The following HDAC7 variants were observed in gnomAD, a reference collection of about 807,000 sequenced individuals.
The protein encoded by HDAC7 is histone deacetylase 7, also known as histone deacetylase 7A.
A neutral mutation model predicts 115.5 loss-of-function variants in HDAC7; 26 were observed. The observed-to-expected ratio is 0.23, with a 90% confidence interval of 0.16 to 0.31. The LOEUF (loss-of-function observed/expected upper bound fraction) is 0.31, where lower values mean the gene tolerates loss of function less well. Among genes scored for constraint, HDAC7 ranks in the 10% least tolerant of loss-of-function variants. HDAC7 has a pLI of 1.00. For missense variants in HDAC7, 1,068 were observed against 1,329.0 expected (o/e 0.80, Z 3.05); for synonymous variants, 564 against 550.9 (o/e 1.02, Z -0.33).
At chr12:47,784,994 C>G in intron 24 of HDAC7, 1 of 590,204 alleles carries the variant, frequency 1.7e-6, no homozygotes, top group South Asian at 2.0e-5. Context: ...GGGGTTATCC[C>G]AAGACGCAGC....
At chr12:47,801,085 C>G (rs1565573230) in intron 2 of HDAC7, among the ~76,000 whole-genome samples, 1 of 152,220 alleles carries the variant, frequency 6.6e-6, no homozygotes, top group African/African-American at 2.4e-5. Flanking sequence ...TTTTCCAAAT[C>G]CTACTCTTTG....
intron 14 of HDAC7, 70 bp downstream of exon 14, chr12:47,791,801 G>GCCCCCCC: frequency 1.5e-5 from 22 of 1,511,016 alleles, no homozygotes; most frequent in East Asian, 2.4e-5. Flanking sequence ...GGGCCCCAGG[G>GCCCCCCC]CCCCCCACCC....
rs1309706110 is a variant in HDAC7, at chr12:47,782,786, A to G, written c.*1055T>C. The G allele has an allele frequency of 6.5e-6, 1 of 152,848 alleles. No individual in the cohort carries two copies. The highest frequency in any genetic ancestry group is 2.4e-5 in the African/African-American group (1 of 41,426). 9.5% of individuals were successfully genotyped at this position (152,848 alleles called of 1,614,324 possible). A position where few individuals can be genotyped will look rare whatever the true frequency, so the allele number is the denominator to read the frequency against. On this transcript the variant is annotated 3_prime_UTR_variant, in exon 26 of 26. Transcript: ENST00000080059. ...CCATTTTCTTCCTTTTTACAAAAAC[A>G]TGCATACATACACAGGGTATGGTGG...
chr12:47,792,692 G>C (rs1195101581), intron 13 of HDAC7: 2 of 455,794 alleles, frequency 4.4e-6, no homozygotes, highest in Admixed American at 4.7e-5. Flanking sequence ...TCCCAAGCAT[G>C]AGGAAAGATT....
chr12:47,783,498 G>A lies in HDAC7; in HGVS notation c.*343C>T. 2.9e-6 allele frequency: 1 copy of A among 341,336 alleles called. No homozygotes were observed. The allele number at this position is 341,336 out of a possible 1,614,324, so 21.1% of individuals were successfully genotyped here. On this transcript the variant is annotated 3_prime_UTR_variant, in exon 26 of 26. Coordinates refer to ENST00000080059, the MANE Select transcript of HDAC7 (RefSeq NM_015401.5). ...GGGGTTTGCAGAGCCAGGAATAGTG[G>A]TTAAGGGTGAGCCCGACGGAGCCGG...
rs1943013036 is a variant in HDAC7 at position 47,784,073 on chromosome 12, C to T, written c.2930+6G>A. ...TGTGGGCCCAGGGCCAGGGGTCTGGCATTACCTATCTTCAGCCAGGATGCC... is the reference window on the plus strand; with the variant it reads ...TGTGGGCCCAGGGCCAGGGGTCTGGTATTACCTATCTTCAGCCAGGATGCC... On this transcript the variant is annotated splice_donor_region_variant and intron_variant, in intron 25 of 25. Transcript: ENST00000080059. 6.2e-7 allele frequency: 1 copy of T among 1,612,556 alleles called. No individual in the cohort carries two copies. The highest frequency in any genetic ancestry group is 1.3e-5 in the African/African-American group (1 of 74,840).
chr12:47,799,873 C>CAGCTGTTGCAG (rs1232300636), intron 2 of HDAC7, among the ~76,000 whole-genome samples: 2 of 152,210 alleles, frequency 1.3e-5, no homozygotes, highest in South Asian at 4.1e-4. Context: ...GCGGGCTTAT[C>CAGCTGTTGCAG]CTGGAGAAGG....
intron 1 of HDAC7, among the ~76,000 whole-genome samples, chr12:47,818,517 C>T (rs1313348980): frequency 6.6e-6 from 1 of 152,224 alleles, no homozygotes; most frequent in Non-Finnish European, 1.5e-5. Flanking sequence ...GCCGCCAAAG[C>T]GTCTCATTGG....
Position 47,795,253 on chromosome 12 carries a change from G to A in HDAC7, c.1215C>T (p.Thr405=), listed in dbSNP as rs368215102. 38 of 1,611,704 alleles carry A rather than the reference G, an allele frequency of 2.4e-5. 1 individual carries two copies. Among genetic ancestry groups the A allele is most frequent in the South Asian group, 3.3e-5 (3 of 91,004 alleles). ...TRSEPLPPSA[T]APPPPGPMQP... is the part of the protein sequence containing the mutation. ...GCATGGGGCCCGGCGGTGGGGGAGC[G>A]GTGGCACTGGGGGGCAGGGGCTCTG... Residue 405 remains threonine, a synonymous_variant, in exon 11 of 26, where the codon ACC becomes ACT. Transcript: ENST00000080059. This position sits in a 1 kb window ranked among gnomAD's most constrained non-coding sequence, Gnocchi z 4.3.
intron 1 of HDAC7, among the ~76,000 whole-genome samples, chr12:47,806,943 CTCTTT>C (rs1565580957): frequency 6.8e-6 from 1 of 147,860 alleles, no homozygotes; most frequent in East Asian, 2.0e-4. Flanking sequence ...CTCTCTCTCT[CTCTTT>C]TTTTTTTTTG....
rs560995954 is a variant in HDAC7, at chr12:47,783,988, G to A, written c.2930+91C>T. 1.7e-5 allele frequency: 27 copies of A among 1,600,846 alleles called. No individual in the cohort carries two copies. In the South Asian group the frequency reaches 2.6e-4, roughly 16 times the overall value. On this transcript the variant is annotated intron_variant, in intron 25 of 25. Transcript: ENST00000080059. The stretch of plus-strand genomic sequence containing the variant: ...CTGGTCAGGAAGCCTGGGAGGGTTG[G>A]GGTGGCTGCATAGCGGACCCGGGGT...
chr12:47,791,620 G>T lies in HDAC7; in HGVS notation c.1899C>A (p.Leu633=), dbSNP rs1211318932. Residue 633 remains leucine (L), a synonymous_variant, in exon 15 of 26, where the codon CTC becomes CTA. Transcript: ENST00000080059. ...RHVLLYGTNP[L]SRLKLDNGKL... is the part of the protein sequence containing the mutation. ...TCCCGTTGTCCAGTTTGAGGCGGCT[G>T]AGCGGGTTGGTGCCGTAGAGGAGCA... 6.2e-6 allele frequency: 10 copies of T among 1,610,388 alleles called. No individual in the cohort carries two copies. The East Asian group carries it at 2.0e-4, about 32-fold the overall frequency.
chr12:47,789,090 G>C (rs981178652), intron 19 of HDAC7, 171 bp downstream of exon 19: 1 of 644,790 alleles, frequency 1.6e-6, no homozygotes, highest in Non-Finnish European at 2.8e-6. Flanking sequence ...TCCCCTCTAG[G>C]CCTCCCAACT....
rs1565797752 is a variant in HDAC7 at position 47,789,835 on chromosome 12, T to C, written c.2069A>G (p.Lys690Arg). 3.1e-6 allele frequency: 5 copies of C among 1,613,788 alleles called. No individual in the cohort carries two copies. The highest frequency in any genetic ancestry group is 3.3e-5 in the Admixed American group (2 of 60,028). ...AAGSVTDLAF[K>R]VASRELKNGF... ...TACCTTTAGCTCACGAGAAGCCACT[T>C]TGAAGGCGAGGTCAGTGACACTGCC... The change falls in exon 17 of 26, where the codon AAA (lysine) becomes AGA (arginine). Residue 690 changes from lysine to arginine, a missense_variant. Physicochemically the swap from Lys to Arg is conservative, Grantham distance 26. Coordinates refer to ENST00000080059, the MANE Select transcript of HDAC7 (RefSeq NM_015401.5).
chr12:47,808,805 T>A (rs1176990132), intron 1 of HDAC7, among the ~76,000 whole-genome samples: 1 of 152,212 alleles, frequency 6.6e-6, no homozygotes, highest in Non-Finnish European at 1.5e-5. Context: ...AGGGAATTCC[T>A]GAGCCAGTGG....
At chr12:47,789,008 A>G in intron 19 of HDAC7, 2 of 499,542 alleles carry the variant, frequency 4.0e-6, no homozygotes, top group Non-Finnish European at 7.1e-6. Flanking sequence ...TAGAGGTCAA[A>G]AGACAACACT....
Position 47,783,862 on chromosome 12 carries a change from C to A in HDAC7, c.2955G>T (p.Glu985Asp), listed in dbSNP as rs11556814. 6.2e-7 allele frequency: 1 copy of A among 1,612,010 alleles called. No homozygotes were observed. The highest frequency in any genetic ancestry group is 8.5e-7 in the Non-Finnish European group (1 of 1,179,478). Residue 985 changes from glutamate (E) to aspartate (D), a missense_variant, in exon 26 of 26, where the codon GAG (glutamate) becomes GAT (aspartate). Transcript: ENST00000080059. ...AGCCTTAGAGATTCATAGGTTCTTC[C>A]TCCTCCACCAGCTGCTCCGAGGGCC... ...EDRPSEQLVE[E>D]EEPMNL
At chr12:47,821,309 A>T (rs1420114914), upstream of HDAC7, among the ~76,000 whole-genome samples, 1 of 152,150 alleles carries the variant, frequency 6.6e-6, no homozygotes, top group Non-Finnish European at 1.5e-5. Flanking sequence ...CTCGGGACTC[A>T]CTATCTGTTG....
In HDAC7 at chr12:47,789,432, A is replaced by T. The variant is rs1386924707; in HGVS notation, c.2148-84T>A. ...GCCCCTGGGTTGGCCCAGCCTGAGA[A>T]AGCTCAGGGAAGAAGAGAGAATGTC... On this transcript the variant is annotated intron_variant, in intron 18 of 25. Transcript: ENST00000080059. 8.3e-6 allele frequency: 13 copies of T among 1,574,694 alleles called. No individual in the cohort carries two copies. The East Asian group carries it at 2.7e-4, about 33-fold the overall frequency.
Sources: allele counts gnomAD v4.1 joint callset (sites outside exome capture counted in the v4.1 genomes callset), GRCh38; gene constraint gnomAD v4.1.1; non-coding constraint Gnocchi (gnomAD v3.1); transcripts MANE v1.5; gene names NCBI Gene and HGNC (gene_info 2026-07-23, HGNC 2026-07-21).